Variants in ZNF382 observed in about 807,000 individuals in gnomAD.
ZNF382 encodes KRAB/zinc finger suppressor protein 1.
ZNF382 carries 20 observed loss-of-function variants against 38.8 expected under a neutral mutation model. That is an observed-to-expected ratio of 0.51 (90% CI 0.36 to 0.75). The LOEUF is 0.75. Ranked by LOEUF, ZNF382 falls within the 30% of genes least tolerant of loss-of-function variation. The probability of loss-of-function intolerance (pLI) is 0.00; values close to 1 mark genes in which losing one functional copy is unlikely to be tolerated. For synonymous variants in ZNF382, 202 were observed against 223.1 expected (o/e 0.91, Z 0.84); for missense variants, 546 against 654.1 (o/e 0.83, Z 1.80).
chr19:36,626,014 T>C, intron 4 of ZNF382, 116 bp from the exon 5 acceptor site: 1 of 624,578 alleles, frequency 1.6e-6, no homozygotes, highest in Non-Finnish European at 2.5e-6. Flanking sequence ...GGTAATTTAT[T>C]CTGGCCTTTT....
At chr19:36,608,515 G>C (rs1323660091) in intron 2 of ZNF382, 1 of 152,046 alleles carries the variant, frequency 6.6e-6, no homozygotes, top group African/African-American at 2.4e-5. Context: ...TTCCTCTTTA[G>C]CTCATCCACC....
intron 2 of ZNF382, 92 bp downstream of exon 2, chr19:36,607,714 G>T: frequency 7.7e-7 from 1 of 1,304,976 alleles, no homozygotes; most frequent in Non-Finnish European, 1.0e-6. Flanking sequence ...CTGATATTGG[G>T]ATTTGCTTCC....
chr19:36,618,497 C>T (rs1446109267), intron 4 of ZNF382, among the ~76,000 whole-genome samples: 1 of 152,158 alleles, frequency 6.6e-6, no homozygotes, highest in Non-Finnish European at 1.5e-5. Flanking sequence ...GAACTCTAAC[C>T]TCTGATTCCC....
rs908745725 is a variant in ZNF382 at position 36,628,581 on chromosome 19, G to A, written c.*1031G>A. ...TCTTCCAGGCAAATGTAATAAACGT[G>A]ACATTGCCGTTAGCCACAGTAAATG... On this transcript the variant is annotated 3_prime_UTR_variant, in exon 5 of 5. Transcript: ENST00000292928. 7.2e-5 allele frequency: 11 copies of A among 152,772 alleles called. No individual in the cohort carries two copies. Among genetic ancestry groups the A allele is most frequent in the Middle Eastern group, 3.4e-3 (1 of 294 alleles). 9.5% of individuals were successfully genotyped at this position (152,772 alleles called of 1,614,324 possible).
At chr19:36,624,881 A>G (rs756769688) in intron 4 of ZNF382, among the ~76,000 whole-genome samples, 4 of 151,052 alleles carry the variant, frequency 2.6e-5, no homozygotes, top group Non-Finnish European at 4.4e-5. Flanking sequence ...CCTGGGCAAC[A>G]TAGGAAGATC....
chr19:36,614,842 C>T (rs1345743556), intron 4 of ZNF382, among the ~76,000 whole-genome samples: 4 of 151,458 alleles, frequency 2.6e-5, no homozygotes, highest in Admixed American at 6.6e-5. Flanking sequence ...ACCCGGGAGT[C>T]GGAGGTTGCA....
intron 4 of ZNF382, among the ~76,000 whole-genome samples, chr19:36,618,730 CTTT>C (rs1384997971): frequency 6.6e-6 from 1 of 151,614 alleles, no homozygotes; most frequent in Non-Finnish European, 1.5e-5. Flanking sequence ...ATACAAACTT[CTTT>C]GTCTTACCAA....
intron 1 of ZNF382, among the ~76,000 whole-genome samples, chr19:36,606,500 C>G (rs1227338362): frequency 6.6e-6 from 1 of 151,940 alleles, no homozygotes; most frequent in Non-Finnish European, 1.5e-5. Flanking sequence ...GGACTACAGG[C>G]TTGTGCCACC....
rs1301150699 is a variant in ZNF382 at position 36,629,191 on chromosome 19, C to T, written c.*1641C>T. 1 of 152,228 alleles carries T rather than the reference C, an allele frequency of 6.6e-6. No homozygotes were observed. The highest frequency in any genetic ancestry group is 1.5e-5 in the Non-Finnish European group (1 of 68,144). The allele number at this position is 152,228 out of a possible 1,614,324, so 9.4% of individuals were successfully genotyped here. On this transcript the variant is annotated 3_prime_UTR_variant, in exon 5 of 5. Transcript: ENST00000292928. ...GGCCAGGCTGGTCTCGAACTCCTGA[C>T]CTCAGGTGATCTGCCTGCCTCGGCC...
intron 2 of ZNF382, chr19:36,608,068 A>G (rs2037048497): frequency 6.4e-6 from 1 of 156,852 alleles, no homozygotes; most frequent in Admixed American, 6.3e-5. Context: ...CCTGATGCTG[A>G]TTTGAGACCT....
At chr19:36,606,006 G>A (rs62116092) in intron 1 of ZNF382, among the ~76,000 whole-genome samples, 2,186 of 152,228 alleles carry the variant, frequency 0.014, 17 homozygotes, top group Middle Eastern at 0.034. Flanking sequence ...GACTCTGCAT[G>A]TGTTTGTAAC....
intron 4 of ZNF382, 141 bp downstream of exon 4, chr19:36,610,883 T>C (rs2037072088): frequency 1.7e-6 from 1 of 575,534 alleles, no homozygotes; most frequent in South Asian, 2.1e-5. Context: ...AAGCATATAG[T>C]TCAGTAGCAT....
intron 4 of ZNF382, among the ~76,000 whole-genome samples, chr19:36,623,022 A>C (rs1402597927): frequency 1.3e-5 from 2 of 152,110 alleles, no homozygotes; most frequent in African/African-American, 4.8e-5. Context: ...TTTGGTACCT[A>C]ATTCAACATT....
chr19:36,624,997 G>C (rs1332130812), intron 4 of ZNF382, among the ~76,000 whole-genome samples: 1 of 149,794 alleles, frequency 6.7e-6, no homozygotes, highest in African/African-American at 2.5e-5. Context: ...GAATCCAGGA[G>C]ATCAAGGCTG....
chr19:36,617,978 C>G (rs1478164307), intron 4 of ZNF382, among the ~76,000 whole-genome samples: 2 of 151,996 alleles, frequency 1.3e-5, no homozygotes, highest in Non-Finnish European at 2.9e-5. Flanking sequence ...AAAACGTGGC[C>G]CTTCTGGAGT....
chr19:36,624,715 G>T (rs1360425754), intron 4 of ZNF382, among the ~76,000 whole-genome samples: 1 of 152,014 alleles, frequency 6.6e-6, no homozygotes, highest in African/African-American at 2.4e-5. Context: ...AGAATTGTTG[G>T]TCAGGAGAAT....
chr19:36,613,663 C>A (rs915930929), intron 4 of ZNF382, among the ~76,000 whole-genome samples: 1 of 152,010 alleles, frequency 6.6e-6, no homozygotes. Flanking sequence ...TGGTCTTGAA[C>A]TCCTGACCTC....
At chr19:36,625,287 G>A (rs1042489930) in intron 4 of ZNF382, among the ~76,000 whole-genome samples, 44 of 151,280 alleles carry the variant, frequency 2.9e-4, no homozygotes, top group Non-Finnish European at 5.6e-4. Context: ...GTAGACTAAT[G>A]TTTCTGTAAA....
chr19:36,610,704 T>A lies in ZNF382; in HGVS notation c.194T>A (p.Leu65Gln). 1 of 1,613,404 alleles carries A rather than the reference T, an allele frequency of 6.2e-7. No individual in the cohort carries two copies. Among genetic ancestry groups the A allele is most frequent in the Admixed American group, 1.7e-5 (1 of 60,004 alleles). ...MIRKLEQGEE[L>Q]WTQRIFPSYS... ...CGCAAGTTGGAACAAGGAGAAGAGC[T>A]ATGGACACAGAGAATTTTTCCAAGT... The change falls in exon 4 of 5, where the codon CTA (leucine) becomes CAA (glutamine). Residue 65 changes from leucine (L) to glutamine (Q), a missense_variant. Transcript: ENST00000292928.
Sources: allele counts gnomAD v4.1 joint callset (sites outside exome capture counted in the v4.1 genomes callset), GRCh38; gene constraint gnomAD v4.1.1; transcripts MANE v1.5; gene names NCBI Gene and HGNC (gene_info 2026-07-23, HGNC 2026-07-21).